The following GPC5 variants were observed in gnomAD, a reference collection of about 807,000 sequenced individuals.
The protein encoded by GPC5 is glypican 5.
A neutral mutation model predicts 53.9 loss-of-function variants in GPC5; 47 were observed. That is an observed-to-expected ratio of 0.87 (90% confidence interval 0.69 to 1.11). GPC5 has a LOEUF of 1.11. Among genes scored for constraint, GPC5 ranks in the 50% most tolerant of loss-of-function variants. The pLI, the probability that GPC5 is intolerant of heterozygous loss-of-function variation, is 0.00. For missense variants in GPC5, 748 were observed against 713.1 expected, an observed-to-expected ratio of 1.05 and a Z score of -0.56; for synonymous variants, 286 against 263.3, an observed-to-expected ratio of 1.09 and a Z score of -0.84.
At chr13:92,219,672 A>G (rs2042435073) in intron 7 of GPC5, among the ~76,000 whole-genome samples, 1 of 152,146 alleles carries the variant, frequency 6.6e-6, no homozygotes, top group Non-Finnish European at 1.5e-5. Flanking sequence ...GTATAACTGT[A>G]TAACTTGACT....
In GPC5 at chr13:92,591,417, G is replaced by A. The variant is rs2139067714; in HGVS notation, c.1562-274865G>A. Among the ~76,000 whole-genome samples the A allele has an allele frequency of 2.0e-5, 3 of 152,152 alleles. 1 individual carries two copies. The South Asian group carries it at 6.2e-4, about 32-fold the overall frequency. On this transcript the variant is annotated intron_variant, in intron 7 of 7. Transcript: ENST00000377067. Reference sequence around the variant, plus strand: ...TACCCTGGGTGCTTTGTCACTTCTGGTTTGTGTTTACAGTCTCTGCCTGGT... The same window carrying A: ...TACCCTGGGTGCTTTGTCACTTCTGATTTGTGTTTACAGTCTCTGCCTGGT...
At chr13:92,855,648 C>T (rs1878973768) in intron 7 of GPC5, among the ~76,000 whole-genome samples, 1 of 142,990 alleles carries the variant, frequency 7.0e-6, no homozygotes, top group Non-Finnish European at 1.5e-5. Context: ...GACCCAAACA[C>T]AGTCAGAAAT....
chr13:92,635,169 A>G (rs1885372961), intron 7 of GPC5, among the ~76,000 whole-genome samples: 1 of 152,072 alleles, frequency 6.6e-6, no homozygotes, highest in African/African-American at 2.4e-5. Context: ...AACATGTACT[A>G]TGTATATATG....
At chr13:92,783,326 G>C (rs1326626681) in intron 7 of GPC5, among the ~76,000 whole-genome samples, 1 of 152,174 alleles carries the variant, frequency 6.6e-6, no homozygotes, top group Admixed American at 6.5e-5. Context: ...AGTGCATTGA[G>C]AGTTTACAGG....
intron 3 of GPC5, among the ~76,000 whole-genome samples, chr13:91,722,304 C>T (rs2036490920): frequency 6.6e-6 from 1 of 152,184 alleles, no homozygotes; most frequent in Admixed American, 6.5e-5. Flanking sequence ...GACATTGGCC[C>T]TGCAGCCTCA....
chr13:91,465,813 C>T (rs909853313), intron 2 of GPC5, among the ~76,000 whole-genome samples: 1 of 152,068 alleles, frequency 6.6e-6, no homozygotes, highest in African/African-American at 2.4e-5. Context: ...GAATATTTTA[C>T]CCAATTTAAA....
At chr13:92,852,526 C>T (rs905415234) in intron 7 of GPC5, among the ~76,000 whole-genome samples, 5 of 152,176 alleles carry the variant, frequency 3.3e-5, no homozygotes, top group Non-Finnish European at 7.4e-5. Flanking sequence ...GACCAATGAC[C>T]TAGTAAGCAG....
At chr13:92,137,527 A>G (rs1194722109) in intron 6 of GPC5, among the ~76,000 whole-genome samples, 1 of 152,238 alleles carries the variant, frequency 6.6e-6, no homozygotes, top group Non-Finnish European at 1.5e-5. Flanking sequence ...AACTAACCAT[A>G]ACTGAATACT....
intron 7 of GPC5, among the ~76,000 whole-genome samples, chr13:92,570,931 C>G (rs953428502): frequency 2.0e-5 from 3 of 152,004 alleles, no homozygotes; most frequent in Non-Finnish European, 4.4e-5. Context: ...AAACAAATTG[C>G]CAAAAGCCAC....
At chr13:91,993,926 T>C (rs555404956) in intron 6 of GPC5, among the ~76,000 whole-genome samples, 3 of 152,304 alleles carry the variant, frequency 2.0e-5, no homozygotes, top group Admixed American at 2.0e-4. Context: ...CCAAGAGTAC[T>C]CAGAGATGTG....
At chr13:92,598,837 C>T (rs867265106) in intron 7 of GPC5, among the ~76,000 whole-genome samples, 7 of 151,988 alleles carry the variant, frequency 4.6e-5, no homozygotes, top group Non-Finnish European at 8.8e-5. Context: ...ACCAACATGG[C>T]GAAAACTCGT....
intron 2 of GPC5, among the ~76,000 whole-genome samples, chr13:91,648,814 A>G (rs2034625682): frequency 6.6e-6 from 1 of 152,164 alleles, no homozygotes; most frequent in Non-Finnish European, 1.5e-5. Flanking sequence ...GTGGAGACAG[A>G]GCAAAAGGAA....
intron 7 of GPC5, among the ~76,000 whole-genome samples, chr13:92,740,625 G>T (rs185079973): frequency 1.3e-5 from 2 of 151,900 alleles, no homozygotes; most frequent in Non-Finnish European, 1.5e-5. Context: ...TGCTAAAATG[G>T]CTAAAAGTAC....
intron 7 of GPC5, among the ~76,000 whole-genome samples, chr13:92,661,447 A>T (rs1258199937): frequency 6.6e-6 from 1 of 152,194 alleles, no homozygotes; most frequent in Non-Finnish European, 1.5e-5. Context: ...ATCTACACAC[A>T]TATACATTAT....
chr13:91,814,795 C>A (rs2038374999), intron 5 of GPC5, among the ~76,000 whole-genome samples: 1 of 152,126 alleles, frequency 6.6e-6, no homozygotes, highest in Non-Finnish European at 1.5e-5. Flanking sequence ...CCCACCTCAG[C>A]CTCCCAAAGT....
At chr13:91,980,022 G>T (rs1250809218) in intron 6 of GPC5, among the ~76,000 whole-genome samples, 3 of 152,122 alleles carry the variant, frequency 2.0e-5, no homozygotes, top group Non-Finnish European at 2.9e-5. Context: ...TGTAGTAAAT[G>T]AAGAAACTGA....
intron 7 of GPC5, among the ~76,000 whole-genome samples, chr13:92,681,495 C>T (rs1260271304): frequency 6.6e-6 from 1 of 152,022 alleles, no homozygotes; most frequent in Non-Finnish European, 1.5e-5. Flanking sequence ...CCTCCATCCC[C>T]ACCTGTAATC....
chr13:92,508,451 A>G (rs575032550), intron 7 of GPC5, among the ~76,000 whole-genome samples: 1 of 152,252 alleles, frequency 6.6e-6, no homozygotes, highest in East Asian at 1.9e-4. Context: ...ATGTATTATG[A>G]ATTGTGTATT....
intron 3 of GPC5, among the ~76,000 whole-genome samples, chr13:91,694,835 T>G (rs547740969): frequency 9.2e-5 from 14 of 152,192 alleles, no homozygotes; most frequent in Non-Finnish European, 1.9e-4. Context: ...TCTCGAACTC[T>G]TGACCTCAGG....
Sources: gnomAD v4.1 joint callset for allele counts (sites outside exome capture counted in the v4.1 genomes callset) on GRCh38, gnomAD v4.1.1 for gene constraint, MANE v1.5 for transcripts, NCBI Gene and HGNC (gene_info 2026-07-23, HGNC 2026-07-21) for gene names.